SNX4: variants seen among roughly 807,000 people sequenced by gnomAD.
SNX4 encodes sorting nexin-4.
In SNX4, 49 loss-of-function variants were observed where a neutral mutation model predicts 70.8. The ratio of observed to expected loss-of-function variants is 0.69; its 90% CI spans 0.55 to 0.88. SNX4 has a LOEUF of 0.88. SNX4 is among the 40% of genes least tolerant of loss of function. SNX4 has a pLI of 0.00. For missense variants in SNX4, 528 were observed against 544.8 expected, an observed-to-expected ratio of 0.97 and a Z score of 0.31; for synonymous variants, 206 against 183.8, an observed-to-expected ratio of 1.12 and a Z score of -0.98.
At chr3:125,486,168 C>T (rs9810782) in intron 6 of SNX4, among the ~76,000 whole-genome samples, 75,592 of 152,014 alleles carry the variant, frequency 0.5, 19,337 homozygotes, top group African/African-American at 0.62. Context: ...CGATGTACCT[C>T]GAGCTCCTTG....
chr3:125,492,454 C>T (rs959931473), intron 5 of SNX4, among the ~76,000 whole-genome samples: 28 of 151,970 alleles, frequency 1.8e-4, no homozygotes, highest in African/African-American at 7.2e-5. Flanking sequence ...AGTCTTGCTC[C>T]GTCACCCAGG....
intron 9 of SNX4, 37 bp from the exon 10 acceptor site, chr3:125,460,897 A>G (rs376401429): frequency 9.6e-7 from 1 of 1,045,372 alleles, no homozygotes; most frequent in Non-Finnish European, 1.4e-6. Flanking sequence ...GCATAGAGTT[A>G]CTTTCATTGG....
At chr3:125,482,765 T>A (rs997381729) in intron 6 of SNX4, among the ~76,000 whole-genome samples, 4 of 152,066 alleles carry the variant, frequency 2.6e-5, no homozygotes, top group African/African-American at 9.7e-5. Flanking sequence ...AGTGGTGAAG[T>A]TGAGGACATC....
chr3:125,457,098 G>T (rs1039999727), intron 11 of SNX4, among the ~76,000 whole-genome samples, 168 bp downstream of exon 11: 1 of 151,926 alleles, frequency 6.6e-6, no homozygotes, highest in Non-Finnish European at 1.5e-5. Flanking sequence ...AATAATAAAA[G>T]AATTATAAAG....
intron 8 of SNX4, among the ~76,000 whole-genome samples, 179 bp downstream of exon 8, chr3:125,476,516 A>G (rs1016143584): frequency 6.6e-6 from 1 of 152,182 alleles, no homozygotes; most frequent in Non-Finnish European, 1.5e-5. Flanking sequence ...GGTTGCAGTG[A>G]GCCGAGATCA....
intron 9 of SNX4, among the ~76,000 whole-genome samples, chr3:125,461,400 T>C (rs545444581): frequency 1.3e-5 from 2 of 152,336 alleles, no homozygotes; most frequent in East Asian, 3.9e-4. Context: ...CAAAATGTTT[T>C]GGTCAGCAAT....
At chr3:125,491,802 G>A (rs539552820) in intron 5 of SNX4, among the ~76,000 whole-genome samples, 1 of 152,218 alleles carries the variant, frequency 6.6e-6, no homozygotes, top group East Asian at 1.9e-4. Context: ...ATTCTTGGCT[G>A]TCCGTTAAGA....
At chr3:125,511,158 C>T (rs1295594460) in intron 1 of SNX4, among the ~76,000 whole-genome samples, 1 of 152,218 alleles carries the variant, frequency 6.6e-6, no homozygotes, top group Non-Finnish European at 1.5e-5. Context: ...AGGTGATCCA[C>T]CCACCTTGGC....
chr3:125,515,883 T>C (rs190932141), intron 1 of SNX4, among the ~76,000 whole-genome samples: 13 of 152,182 alleles, frequency 8.5e-5, no homozygotes, highest in African/African-American at 2.9e-4. Context: ...CTCTTCTCAA[T>C]CAATAAAAAA....
At chr3:125,482,364 G>C (rs762023408) in intron 6 of SNX4, among the ~76,000 whole-genome samples, 29 of 152,104 alleles carry the variant, frequency 1.9e-4, no homozygotes, top group Non-Finnish European at 3.5e-4. Flanking sequence ...GAAAACCTGA[G>C]TGCATCTGTA....
intron 1 of SNX4, among the ~76,000 whole-genome samples, chr3:125,505,512 T>TC (rs1553728710): frequency 6.6e-5 from 10 of 152,194 alleles, no homozygotes; most frequent in Non-Finnish European, 1.5e-5. Context: ...CAGCTACCTA[T>TC]CCCTTAGTGC....
At chr3:125,491,900 A>T (rs1579998177) in intron 5 of SNX4, among the ~76,000 whole-genome samples, 1 of 151,926 alleles carries the variant, frequency 6.6e-6, no homozygotes, top group Admixed American at 6.6e-5. Context: ...CGAGGTCAGG[A>T]GTTTTAAACC....
At chr3:125,471,767 A>C (rs928526388) in intron 8 of SNX4, among the ~76,000 whole-genome samples, 1 of 152,224 alleles carries the variant, frequency 6.6e-6, no homozygotes, top group Non-Finnish European at 1.5e-5. Flanking sequence ...CCACCTATGT[A>C]TTTAGTCCAT....
intron 5 of SNX4, among the ~76,000 whole-genome samples, chr3:125,490,570 C>CT (rs1027551451): frequency 6.7e-6 from 1 of 149,652 alleles, no homozygotes; most frequent in African/African-American, 2.5e-5. Flanking sequence ...AAGTAACACT[C>CT]TACTAAATAA....
chr3:125,452,414 T>C (rs1158261670), intron 12 of SNX4, among the ~76,000 whole-genome samples: 1 of 151,950 alleles, frequency 6.6e-6, no homozygotes, highest in African/African-American at 2.4e-5. Flanking sequence ...TTGTTTTAAA[T>C]CACAACCAAA....
intron 1 of SNX4, among the ~76,000 whole-genome samples, chr3:125,518,648 C>G (rs1265962044): frequency 1.3e-5 from 2 of 152,098 alleles, no homozygotes; most frequent in Non-Finnish European, 2.9e-5. Flanking sequence ...CCCAGGTGGG[C>G]ATGAGCCCAG....
intron 1 of SNX4, among the ~76,000 whole-genome samples, chr3:125,507,191 GAAAAAAA>G (rs753584700): frequency 1.0e-3 from 91 of 90,804 alleles, no homozygotes; most frequent in Non-Finnish European, 1.6e-3. Context: ...CTGGGTGATA[GAAAAAAA>G]AAAAAAAAAA....
At chr3:125,467,430 G>C (rs1934056169) in intron 9 of SNX4, among the ~76,000 whole-genome samples, 1 of 151,930 alleles carries the variant, frequency 6.6e-6, no homozygotes, top group Non-Finnish European at 1.5e-5. Flanking sequence ...AAAGGAGTGG[G>C]GGGAAGGATA....
chr3:125,519,977 C>G, intron 1 of SNX4, 55 bp downstream of exon 1: 1 of 1,463,450 alleles, frequency 6.8e-7, no homozygotes. Flanking sequence ...CAGCCCAGCC[C>G]GGCCCGCTAG....
Sources: gnomAD v4.1 joint callset for allele counts (sites outside exome capture counted in the v4.1 genomes callset) on GRCh38, gnomAD v4.1.1 for gene constraint, MANE v1.5 for transcripts, NCBI Gene and HGNC (gene_info 2026-07-23, HGNC 2026-07-21) for gene names.